MYO16: variants seen among roughly 807,000 people sequenced by gnomAD.
MYO16 encodes the protein unconventional myosin-XVI.
Under a neutral mutation model 205.3 loss-of-function variants are expected in MYO16, and 94 were observed. The observed-to-expected ratio is 0.46, with a 90% CI of 0.39 to 0.54. The LOEUF (loss-of-function observed/expected upper bound fraction) is 0.54, where lower values mean the gene tolerates loss of function less well. Among genes scored for constraint, MYO16 ranks in the 20% least tolerant of loss-of-function variants. The probability of loss-of-function intolerance (pLI) is 0.00; values close to 1 mark genes in which losing one functional copy is unlikely to be tolerated. For synonymous variants in MYO16, 988 were observed against 954.0 expected (o/e 1.04, Z -0.66); for missense variants, 2,315 against 2,387.5 (o/e 0.97, Z 0.63).
chr13:108,751,466 A>G (rs764392788), intron 4 of MYO16, among the ~76,000 whole-genome samples: 3 of 152,246 alleles, frequency 2.0e-5, no homozygotes, highest in Non-Finnish European at 4.4e-5. Flanking sequence ...GAAATGCGGT[A>G]GAATACACAA....
chr13:108,765,711 G>A (rs1225604883), intron 4 of MYO16, among the ~76,000 whole-genome samples: 1 of 152,170 alleles, frequency 6.6e-6, no homozygotes, highest in Non-Finnish European at 1.5e-5. Context: ...CTGTCAATAT[G>A]TGGGGACTTC....
intron 33 of MYO16, among the ~76,000 whole-genome samples, chr13:109,170,540 T>TAA (rs372965328): frequency 6.8e-5 from 10 of 147,314 alleles, no homozygotes; most frequent in African/African-American, 2.5e-4. Context: ...TTCTGCAATT[T>TAA]AAAAAAAAAA....
chr13:108,814,064 T>C (rs959678140), intron 7 of MYO16, among the ~76,000 whole-genome samples: 11 of 152,198 alleles, frequency 7.2e-5, no homozygotes, highest in African/African-American at 2.7e-4. Context: ...GAATTACTTT[T>C]AGTGTTAAAG....
At chr13:109,116,902 G>A (rs867142320) in intron 28 of MYO16, among the ~76,000 whole-genome samples, 18 of 152,256 alleles carry the variant, frequency 1.2e-4, no homozygotes, top group Admixed American at 2.0e-4. Flanking sequence ...CTGTTCTCCA[G>A]TCCCCTGGTG....
intron 6 of MYO16, among the ~76,000 whole-genome samples, chr13:108,798,680 C>T (rs1235019257): frequency 6.8e-6 from 1 of 146,878 alleles, no homozygotes; most frequent in Non-Finnish European, 1.5e-5. Flanking sequence ...CATCTGGCCC[C>T]GAGGCTTATT....
At chr13:108,629,902 GTTAT>G (rs1879898921) in intron 1 of MYO16, 30 bp downstream of exon 1, 2 of 1,509,824 alleles carry the variant, frequency 1.3e-6, no homozygotes, top group African/African-American at 1.4e-5. Flanking sequence ...TGCTCATGTG[GTTAT>G]TTGTCTTGTT....
intron 34 of MYO16, 83 bp downstream of exon 34, chr13:109,179,716 ATGCTCTGTG>A (rs1226904720): frequency 8.9e-7 from 1 of 1,125,850 alleles, no homozygotes. Context: ...TTACCAATAG[ATGCTCTGTG>A]TGGACTGGAG....
intron 1 of MYO16, among the ~76,000 whole-genome samples, chr13:108,597,583 A>G (rs1218071241): frequency 1.3e-5 from 2 of 152,108 alleles, no homozygotes; most frequent in African/African-American, 4.8e-5. Flanking sequence ...CCTTAAGCCT[A>G]TATTTGTTGT....
rs1887374254 is a variant in MYO16 at position 109,055,210 on chromosome 13, T to C, written c.3129+84T>C. ...TTTATGTAGACTTTTTTTTCCATTT[T>C]TGACAACTTAAATATCTTCACAAAA... On this transcript the variant is annotated intron_variant, in intron 26 of 34. Transcript: ENST00000457511. The surrounding 1 kb of genome is among the most constrained non-coding windows in gnomAD (Gnocchi z 5.0). The C allele has an allele frequency of 8.2e-7, 1 of 1,218,180 alleles. No individual in the cohort carries two copies. The highest frequency in any genetic ancestry group is 1.2e-6 in the Non-Finnish European group (1 of 865,274). The allele number at this position is 1,218,180 out of a possible 1,614,324, so 75.5% of individuals were successfully genotyped here.
chr13:108,624,583 G>A (rs1027362117), intron 1 of MYO16, among the ~76,000 whole-genome samples: 4 of 152,190 alleles, frequency 2.6e-5, no homozygotes, highest in African/African-American at 7.2e-5. Context: ...TAACGCATAT[G>A]CTGGAAAGAT....
chr13:108,745,008 T>C (rs1395525655), intron 4 of MYO16, among the ~76,000 whole-genome samples: 8 of 152,204 alleles, frequency 5.3e-5, no homozygotes. Flanking sequence ...AGCAATAAAG[T>C]GTCACTGAAA....
chr13:108,941,216 C>G (rs184749816), intron 16 of MYO16, among the ~76,000 whole-genome samples: 1 of 152,060 alleles, frequency 6.6e-6, no homozygotes, highest in African/African-American at 2.4e-5. Context: ...TTGGTAGAAT[C>G]TGAAAGAGCA....
intron 32 of MYO16, among the ~76,000 whole-genome samples, chr13:109,143,166 C>T (rs1269817118): frequency 1.3e-5 from 2 of 151,982 alleles, no homozygotes; most frequent in African/African-American, 2.4e-5. Flanking sequence ...TGCTCCTTCA[C>T]CAAAAGAAAA....
chr13:108,876,538 T>A (rs907229782), intron 12 of MYO16, among the ~76,000 whole-genome samples: 1 of 152,206 alleles, frequency 6.6e-6, no homozygotes, highest in Non-Finnish European at 1.5e-5. Context: ...ATGGTTATCT[T>A]GAAGTTATCC....
chr13:108,681,201 AT>A (rs1470000275), intron 2 of MYO16, among the ~76,000 whole-genome samples: 1 of 152,082 alleles, frequency 6.6e-6, no homozygotes, highest in African/African-American at 2.4e-5. Context: ...TAATATGGCT[AT>A]TTTTTTCTAG....
chr13:108,639,246 G>A (rs190594139), intron 1 of MYO16, among the ~76,000 whole-genome samples: 1 of 152,188 alleles, frequency 6.6e-6, no homozygotes. Flanking sequence ...GGTGGGGACA[G>A]GGAAGGGGAG....
intron 16 of MYO16, among the ~76,000 whole-genome samples, chr13:108,938,189 C>T (rs1594410329): frequency 6.6e-6 from 1 of 152,046 alleles, no homozygotes; most frequent in Admixed American, 6.6e-5. Context: ...CCTGTGTACA[C>T]CTATGTACTT....
intron 14 of MYO16, among the ~76,000 whole-genome samples, chr13:108,890,490 G>A (rs549101653): frequency 6.4e-4 from 98 of 152,116 alleles, no homozygotes; most frequent in Non-Finnish European, 1.2e-3. Flanking sequence ...AGGCCCTGTC[G>A]CTCCCCAGAC....
chr13:108,681,755 T>A (rs558452776), intron 2 of MYO16, among the ~76,000 whole-genome samples: 2 of 152,326 alleles, frequency 1.3e-5, no homozygotes, highest in South Asian at 4.1e-4. Flanking sequence ...GCCATCCATG[T>A]TTCTCTTTTA....
Sources: gnomAD v4.1 joint callset for allele counts (sites outside exome capture counted in the v4.1 genomes callset) on GRCh38, gnomAD v4.1.1 for gene constraint, Gnocchi (gnomAD v3.1) non-coding constraint, MANE v1.5 for transcripts, NCBI Gene and HGNC (gene_info 2026-07-23, HGNC 2026-07-21) for gene names.